Variants in BEND6 observed in about 807,000 individuals in gnomAD.
BEND6 encodes the protein BEN domain containing 6, also known as BEN domain-containing protein 6.
In BEND6, 24 loss-of-function variants were observed where a neutral mutation model predicts 31.8. The ratio of observed to expected loss-of-function variants is 0.75; its 90% CI spans 0.55 to 1.06. BEND6 has a LOEUF of 1.06. Ranked by LOEUF, BEND6 falls within the 50% of genes least tolerant of loss-of-function variation. The pLI is 0.00. For synonymous variants in BEND6, 109 were observed against 114.6 expected (o/e 0.95, Z 0.31); for missense variants, 294 against 327.4 (o/e 0.90, Z 0.79).
Position 56,981,863 on chromosome 6 carries a change from A to G in BEND6, c.53A>G (p.Lys18Arg). The G allele has an allele frequency of 6.2e-7, 1 of 1,613,240 alleles. No homozygotes were observed. Among genetic ancestry groups the G allele is most frequent in the Non-Finnish European group, 8.5e-7 (1 of 1,179,548 alleles). ...ATTACCAATACACAAGCTTTTAGAA[A>G]AGGAAAGAGGAAAAGAACAGAGACA... ...DEITNTQAFR[K>R]GKRKRTETMD... The change falls in exon 2 of 7, where the codon AAA (lysine) becomes AGA (arginine). Residue 18 changes from lysine (K) to arginine (R), a missense_variant. Lys to Arg is a conservative substitution (Grantham distance 26). Transcript: ENST00000370746.
intron 3 of BEND6, among the ~76,000 whole-genome samples, chr6:57,000,837 T>C (rs1026402818): frequency 2.7e-5 from 4 of 146,902 alleles, no homozygotes; most frequent in African/African-American, 1.0e-4. Flanking sequence ...GTTCCTCCCA[T>C]GTAAGCTGGA....
chr6:56,983,903 A>G (rs1217536972), intron 2 of BEND6, among the ~76,000 whole-genome samples: 1 of 152,190 alleles, frequency 6.6e-6, no homozygotes, highest in East Asian at 1.9e-4. Context: ...CAAAGTAAAT[A>G]TCCTTATACA....
At chr6:56,975,179 G>A (rs1458552669) in intron 1 of BEND6, among the ~76,000 whole-genome samples, 1 of 152,048 alleles carries the variant, frequency 6.6e-6, no homozygotes, top group African/African-American at 2.4e-5. Flanking sequence ...AAGCTGATCA[G>A]CTGTCCAGAG....
intron 1 of BEND6, among the ~76,000 whole-genome samples, chr6:56,959,887 T>C (rs1248476278): frequency 6.6e-6 from 1 of 152,194 alleles, no homozygotes; most frequent in Non-Finnish European, 1.5e-5. Flanking sequence ...GTTTTGTTGT[T>C]CTATGGGTTA....
At chr6:56,975,381 A>G (rs112950080) in intron 1 of BEND6, among the ~76,000 whole-genome samples, 2,213 of 152,330 alleles carry the variant, frequency 0.015, 25 homozygotes, top group African/African-American at 0.027. Context: ...TAGTATATCA[A>G]TAGGTCAGCA....
At chr6:57,021,159 C>G (rs1224842456) in intron 6 of BEND6, among the ~76,000 whole-genome samples, 1 of 151,980 alleles carries the variant, frequency 6.6e-6, no homozygotes, top group Non-Finnish European at 1.5e-5. Context: ...TTTAAATTTG[C>G]AAATATCTTT....
chr6:56,988,525 T>C (rs1826372300), intron 2 of BEND6, among the ~76,000 whole-genome samples: 1 of 152,180 alleles, frequency 6.6e-6, no homozygotes, highest in African/African-American at 2.4e-5. Flanking sequence ...TGCAATGCAA[T>C]ATGAAAGATA....
chr6:57,018,697 C>A, intron 6 of BEND6, 140 bp downstream of exon 6: 1 of 908,296 alleles, frequency 1.1e-6, no homozygotes, highest in Non-Finnish European at 1.5e-6. Context: ...TTCCTGGTGG[C>A]AAAAGGGGAG....
chr6:56,976,470 C>T (rs1370037745), intron 1 of BEND6, among the ~76,000 whole-genome samples: 1 of 152,150 alleles, frequency 6.6e-6, no homozygotes, highest in Non-Finnish European at 1.5e-5. Context: ...GCTGGGATTA[C>T]AGGCGTGAGT....
At chr6:56,997,029 A>C (rs1452057342) in intron 3 of BEND6, among the ~76,000 whole-genome samples, 1 of 152,154 alleles carries the variant, frequency 6.6e-6, no homozygotes, top group Non-Finnish European at 1.5e-5. Flanking sequence ...TCTTTTTATG[A>C]TCTTTGGCTC....
intron 1 of BEND6, among the ~76,000 whole-genome samples, chr6:56,957,721 T>A (rs1326334585): frequency 6.6e-6 from 1 of 152,182 alleles, no homozygotes; most frequent in African/African-American, 2.4e-5. Context: ...TGGAAAAGTA[T>A]GTATAATTTG....
intron 3 of BEND6, among the ~76,000 whole-genome samples, chr6:57,002,886 A>G (rs1192281159): frequency 1.3e-5 from 2 of 152,192 alleles, no homozygotes; most frequent in African/African-American, 4.8e-5. Context: ...GAGACCCAAG[A>G]ATCCATACAA....
At chr6:56,985,500 T>C (rs1377021252) in intron 2 of BEND6, among the ~76,000 whole-genome samples, 1 of 152,156 alleles carries the variant, frequency 6.6e-6, no homozygotes, top group East Asian at 1.9e-4. Flanking sequence ...TCCCATCTGC[T>C]AATAGAAGAA....
At chr6:56,992,621 A>C (rs1826548784) in intron 3 of BEND6, 66 bp downstream of exon 3, 1 of 1,475,950 alleles carries the variant, frequency 6.8e-7, no homozygotes, top group Non-Finnish European at 9.1e-7. Context: ...AAAGTATTGC[A>C]AATTAGCTGT....
chr6:57,022,169 T>C (rs966682110), intron 6 of BEND6, among the ~76,000 whole-genome samples: 20 of 149,646 alleles, frequency 1.3e-4, no homozygotes, highest in East Asian at 1.9e-4. Context: ...TTTTTCTTTT[T>C]TTTTTTTTTT....
At chr6:57,012,532 T>C (rs1827382970) in intron 3 of BEND6, among the ~76,000 whole-genome samples, 1 of 152,228 alleles carries the variant, frequency 6.6e-6, no homozygotes, top group Non-Finnish European at 1.5e-5. Context: ...CCCCTTTACC[T>C]ATGTAATTTC....
rs1827909301 is a variant in BEND6, at chr6:57,026,574, G to C, written c.*502G>C. ...AAATAATTAATGTTGGCAAATATGA[G>C]AACAACAAAGTCAGCCCAAAATCTG... On this transcript the variant is annotated 3_prime_UTR_variant, in exon 7 of 7. Coordinates refer to ENST00000370746, the MANE Select transcript of BEND6 (RefSeq NM_152731.3). The C allele has an allele frequency of 6.6e-6, 1 of 152,052 alleles. No individual in the cohort carries two copies. The highest frequency in any genetic ancestry group is 6.6e-5 in the Admixed American group (1 of 15,258). The allele number at this position is 152,052 out of a possible 1,614,324, so 9.4% of individuals were successfully genotyped here.
At chr6:56,961,739 C>G (rs546741418) in intron 1 of BEND6, among the ~76,000 whole-genome samples, 1 of 152,310 alleles carries the variant, frequency 6.6e-6, no homozygotes, top group East Asian at 1.9e-4. Context: ...CACAGACATT[C>G]TGGTAAATAA....
chr6:57,006,853 C>T (rs1827177021), intron 3 of BEND6, among the ~76,000 whole-genome samples: 1 of 152,154 alleles, frequency 6.6e-6, no homozygotes, highest in Non-Finnish European at 1.5e-5. Context: ...ATAGCCAAAG[C>T]TGCATGGTAT....
Sources: gnomAD v4.1 joint callset for allele counts (sites outside exome capture counted in the v4.1 genomes callset) on GRCh38, gnomAD v4.1.1 for gene constraint, MANE v1.5 for transcripts, NCBI Gene and HGNC (gene_info 2026-07-23, HGNC 2026-07-21) for gene names.